IL6R: variants seen among roughly 807,000 people sequenced by gnomAD.
IL6R encodes the protein interleukin-6 receptor subunit alpha.
Under a neutral mutation model 48.3 loss-of-function variants are expected in IL6R, and 38 were observed. The observed-to-expected ratio is 0.79, with a 90% CI of 0.61 to 1.03. IL6R has a LOEUF of 1.03. Among genes scored for constraint, IL6R ranks in the 50% least tolerant of loss-of-function variants. The pLI is 0.00. For missense variants in IL6R, 534 were observed against 618.3 expected (o/e 0.86, Z 1.45); for synonymous variants, 264 against 256.2 (o/e 1.03, Z -0.29).
intron 8 of IL6R, among the ~76,000 whole-genome samples, chr1:154,451,288 T>C (rs12129500): frequency 0.6 from 91,152 of 151,866 alleles, 27,973 homozygotes; most frequent in African/African-American, 0.7. Flanking sequence ...GAGGCCGAGG[T>C]AGGAGAATCA....
chr1:154,436,885 T>A (rs1689655526), intron 6 of IL6R, among the ~76,000 whole-genome samples: 2 of 152,228 alleles, frequency 1.3e-5, no homozygotes, highest in Non-Finnish European at 2.9e-5. Context: ...AGAATAATTA[T>A]CACCAGTACT....
At chr1:154,422,647 C>G (rs1487668942) in intron 1 of IL6R, among the ~76,000 whole-genome samples, 3 of 152,198 alleles carry the variant, frequency 2.0e-5, no homozygotes, top group African/African-American at 7.2e-5. Context: ...AATCCTGGCT[C>G]TGAATGCTGA....
chr1:154,428,184 G>A (rs1437187161), intron 1 of IL6R, among the ~76,000 whole-genome samples: 2 of 152,120 alleles, frequency 1.3e-5, no homozygotes, highest in African/African-American at 2.4e-5. Context: ...CAAAAAAAGT[G>A]TACTTGTTCC....
intron 1 of IL6R, chr1:154,406,646 G>A (rs1023071224): frequency 3.3e-5 from 5 of 152,386 alleles, no homozygotes; most frequent in African/African-American, 1.2e-4. Flanking sequence ...ACAGGCTGGG[G>A]AGGCTGAAGG....
At chr1:154,459,199 G>A (rs1468735708) in intron 9 of IL6R, among the ~76,000 whole-genome samples, 1 of 152,198 alleles carries the variant, frequency 6.6e-6, no homozygotes, top group Non-Finnish European at 1.5e-5. Context: ...AGGAGCATTA[G>A]GTTGGGAACA....
At chr1:154,458,240 G>T (rs558820202) in intron 9 of IL6R, among the ~76,000 whole-genome samples, 20 of 152,238 alleles carry the variant, frequency 1.3e-4, no homozygotes, top group African/African-American at 4.8e-4. Flanking sequence ...AAAGTGCTGG[G>T]ATTACAGGCG....
chr1:154,438,145 G>C (rs1317655955), intron 6 of IL6R, among the ~76,000 whole-genome samples: 1 of 151,992 alleles, frequency 6.6e-6, no homozygotes, highest in East Asian at 1.9e-4. Flanking sequence ...GAAGCTGCTT[G>C]ACTCTTTCTG....
intron 6 of IL6R, among the ~76,000 whole-genome samples, chr1:154,447,462 T>TACACACAC (rs1558323471): frequency 1.5e-4 from 13 of 88,282 alleles, no homozygotes; most frequent in African/African-American, 7.3e-4. Context: ...AAAATATATA[T>TACACACAC]ATATATATAT....
chr1:154,468,001 A>G lies in IL6R; in HGVS notation c.*2621A>G, dbSNP rs948438696. 6.6e-6 allele frequency: 1 copy of G among 152,248 alleles called. No individual in the cohort carries two copies. The highest frequency in any genetic ancestry group is 1.5e-5 in the Non-Finnish European group (1 of 68,048). 9.4% of individuals were successfully genotyped at this position (152,248 alleles called of 1,614,324 possible). A position where few individuals can be genotyped will look rare whatever the true frequency, so the allele number is the denominator to read the frequency against. On this transcript the variant is annotated 3_prime_UTR_variant, in exon 10 of 10. Coordinates refer to ENST00000368485, the MANE Select transcript of IL6R (RefSeq NM_000565.4). Reference sequence around the variant, plus strand: ...GAAATCCAGATAGCTCATTATTGCCAAGAGCTAGGCAGCTTTGATCTCCAA... The same window carrying G: ...GAAATCCAGATAGCTCATTATTGCCGAGAGCTAGGCAGCTTTGATCTCCAA...
chr1:154,466,463 C>T lies in IL6R; in HGVS notation c.*1083C>T, dbSNP rs1003068589. ...TTTTCTCTTGAGAGGGTGGAATATCCAATATTCGCTGTGTCAGCATAGAAG... is the reference window on the plus strand; with the variant it reads ...TTTTCTCTTGAGAGGGTGGAATATCTAATATTCGCTGTGTCAGCATAGAAG... On this transcript the variant is annotated 3_prime_UTR_variant, in exon 10 of 10. Transcript: ENST00000368485. 1.3e-5 allele frequency: 2 copies of T among 152,146 alleles called. No individual in the cohort carries two copies. Among genetic ancestry groups the T allele is most frequent in the Non-Finnish European group, 2.9e-5 (2 of 68,034 alleles). 9.4% of individuals were successfully genotyped at this position (152,146 alleles called of 1,614,324 possible). A position where few individuals can be genotyped will look rare whatever the true frequency, so the allele number is the denominator to read the frequency against.
intron 9 of IL6R, among the ~76,000 whole-genome samples, chr1:154,462,057 C>T (rs879446716): frequency 2.0e-5 from 3 of 152,176 alleles, no homozygotes; most frequent in Non-Finnish European, 2.9e-5. Context: ...TCTAGGGCTA[C>T]GTGACTTTTT....
intron 1 of IL6R, among the ~76,000 whole-genome samples, chr1:154,422,413 T>C (rs903172243): frequency 2.0e-5 from 3 of 152,252 alleles, no homozygotes; most frequent in Non-Finnish European, 4.4e-5. Flanking sequence ...GAGACATTTA[T>C]ATCAGGTTGG....
intron 6 of IL6R, among the ~76,000 whole-genome samples, chr1:154,446,013 C>T (rs771365505): frequency 7.9e-5 from 12 of 152,126 alleles, no homozygotes; most frequent in Non-Finnish European, 1.5e-4. Flanking sequence ...GATTCTCCAG[C>T]CTCAGTCTCC....
intron 8 of IL6R, among the ~76,000 whole-genome samples, chr1:154,451,123 A>G (rs1248857037): frequency 6.6e-6 from 1 of 152,242 alleles, no homozygotes; most frequent in Non-Finnish European, 1.5e-5. Flanking sequence ...GAGATTTGAA[A>G]GAGTATATCA....
intron 6 of IL6R, among the ~76,000 whole-genome samples, chr1:154,446,317 T>A (rs1209520255): frequency 4.6e-5 from 7 of 152,130 alleles, no homozygotes; most frequent in African/African-American, 1.7e-4. Flanking sequence ...GTGGATGCAT[T>A]CTTATACTTC....
At chr1:154,434,492 G>A in intron 3 of IL6R, 27 bp from the exon 4 acceptor site, 1 of 1,601,104 alleles carries the variant, frequency 6.2e-7, no homozygotes. Flanking sequence ...TGACAGGCAA[G>A]CCCTGCCCTT....
At chr1:154,464,217 C>T (rs979253386) in intron 9 of IL6R, among the ~76,000 whole-genome samples, 6 of 151,354 alleles carry the variant, frequency 4.0e-5, no homozygotes, top group Admixed American at 1.3e-4. Context: ...TGCAATGGCA[C>T]GATCTCAGCT....
At chr1:154,406,094 C>T (rs1687696938) in intron 1 of IL6R, among the ~76,000 whole-genome samples, 2 of 152,198 alleles carry the variant, frequency 1.3e-5, no homozygotes, top group African/African-American at 2.4e-5. Context: ...AGGGCGCGCC[C>T]CAGCGGGGTG....
intron 1 of IL6R, among the ~76,000 whole-genome samples, chr1:154,413,548 T>C (rs1402304452): frequency 6.6e-6 from 1 of 151,654 alleles, no homozygotes; most frequent in East Asian, 1.9e-4. Context: ...TTGCCAAAAG[T>C]GTACTATTAA....
Sources: gnomAD v4.1 joint callset for allele counts (sites outside exome capture counted in the v4.1 genomes callset) on GRCh38, gnomAD v4.1.1 for gene constraint, MANE v1.5 for transcripts, NCBI Gene and HGNC (gene_info 2026-07-23, HGNC 2026-07-21) for gene names.